Variants in CERKL observed in about 807,000 individuals in gnomAD.
The protein encoded by CERKL is ceramide kinase-like protein.
A neutral mutation model predicts 63.4 loss-of-function variants in CERKL; 61 were observed. The observed-to-expected ratio is 0.96, with a 90% confidence interval of 0.78 to 1.19. The LOEUF (loss-of-function observed/expected upper bound fraction) is 1.19. CERKL is among the 50% of genes most tolerant of loss of function. The pLI is 0.00. For synonymous variants in CERKL, 250 were observed against 230.5 expected (o/e 1.08, Z -0.77); for missense variants, 675 against 655.5 (o/e 1.03, Z -0.33).
At position 181,613,086 on chromosome 2, in the gene CERKL, C is replaced by G. The variant is rs531193237; in HGVS notation, c.239-9007G>C. On this transcript the variant is annotated intron_variant, in intron 1 of 12. Coordinates refer to ENST00000410087, the MANE Select transcript of CERKL (RefSeq NM_201548.5). The stretch of plus-strand genomic sequence containing the variant: ...AAGTATACATTATTAGCCATAGTCA[C>G]AATGCTATACAATAGATCCAGAACT... Among the ~76,000 whole-genome samples, 124 of 150,518 alleles carry G rather than the reference C, an allele frequency of 8.2e-4. 1 individual carries two copies. The Middle Eastern group carries it at 0.01, about 13-fold the overall frequency.
intron 1 of CERKL, among the ~76,000 whole-genome samples, chr2:181,634,200 T>C (rs1012192219): frequency 7.9e-5 from 12 of 152,122 alleles, no homozygotes; most frequent in African/African-American, 2.4e-4. Context: ...ACAACTCAAA[T>C]ATTGTAGATT....
At chr2:181,637,921 A>T (rs1687251928) in intron 1 of CERKL, among the ~76,000 whole-genome samples, 1 of 152,140 alleles carries the variant, frequency 6.6e-6, no homozygotes, top group Admixed American at 6.6e-5. Context: ...ACAAAAAAAA[A>T]AATTGCAGGA....
At chr2:181,605,423 A>G (rs975494312) in intron 1 of CERKL, among the ~76,000 whole-genome samples, 3 of 152,254 alleles carry the variant, frequency 2.0e-5, no homozygotes, top group Admixed American at 6.5e-5. Flanking sequence ...AAGAATTAAC[A>G]GTACAATGCT....
chr2:181,640,101 T>C (rs1574057940), intron 1 of CERKL, among the ~76,000 whole-genome samples: 2 of 152,342 alleles, frequency 1.3e-5, no homozygotes, highest in East Asian at 3.9e-4. Flanking sequence ...CTATTTTTGG[T>C]GCCTATACCT....
Position 181,547,678 on chromosome 2 carries a change from C to T in CERKL, c.1208G>A (p.Ser403Asn). Residue 403 changes from serine to asparagine, a missense_variant, in exon 10 of 13, where the codon AGC becomes AAC. Coordinates refer to ENST00000410087, the MANE Select transcript of CERKL (RefSeq NM_201548.5). ...QMIQGQFLNV[S>N]IMAIPCLCSV... ...ACACAGGCAAGGAATTGCCATAATG[C>T]TGACATTCAAGAACTGACCCTGGAT... is the stretch of plus-strand genomic sequence containing the variant. 1 of 1,614,052 alleles carries T rather than the reference C, an allele frequency of 6.2e-7. No individual in the cohort carries two copies. The highest frequency in any genetic ancestry group is 8.5e-7 in the Non-Finnish European group (1 of 1,179,960).
intron 2 of CERKL, among the ~76,000 whole-genome samples, chr2:181,590,214 T>C (rs1456039905): frequency 1.3e-5 from 2 of 152,046 alleles, no homozygotes; most frequent in Admixed American, 6.6e-5. Context: ...CTTGACTCAC[T>C]GCAACCTCCA....
At chr2:181,565,518 T>C in intron 4 of CERKL, 1 of 1,584,508 alleles carries the variant, frequency 6.3e-7, no homozygotes, top group South Asian at 1.1e-5. Context: ...CCACTGTGAA[T>C]AACATACCTA....
intron 3 of CERKL, among the ~76,000 whole-genome samples, chr2:181,566,968 T>C (rs1688693952): frequency 6.6e-6 from 1 of 152,162 alleles, no homozygotes. Flanking sequence ...ATATGCAAGA[T>C]TACATTAATC....
At chr2:181,636,015 A>T (rs936725749) in intron 1 of CERKL, among the ~76,000 whole-genome samples, 1 of 152,196 alleles carries the variant, frequency 6.6e-6, no homozygotes, top group African/African-American at 2.4e-5. Flanking sequence ...ATACACAAGG[A>T]AAGAGCCTAG....
At chr2:181,570,150 G>A (rs1174816572) in intron 3 of CERKL, among the ~76,000 whole-genome samples, 2 of 152,170 alleles carry the variant, frequency 1.3e-5, no homozygotes, top group Non-Finnish European at 2.9e-5. Context: ...CACAGAGGAG[G>A]TGCCTTTTCT....
intron 4 of CERKL, among the ~76,000 whole-genome samples, chr2:181,561,806 TTTTTATTTTA>T (rs149011731): frequency 1.8e-4 from 27 of 151,366 alleles, no homozygotes; most frequent in South Asian, 2.1e-4. Flanking sequence ...TTTTTATAAT[TTTTTATTTTA>T]TTTTATTTTA....
chr2:181,551,849 C>T (rs1304871832), intron 5 of CERKL, among the ~76,000 whole-genome samples: 2 of 152,102 alleles, frequency 1.3e-5, no homozygotes, highest in East Asian at 1.9e-4. Flanking sequence ...TGCTACCTGT[C>T]ACATGAGGTG....
At chr2:181,582,447 T>C (rs963906709) in intron 2 of CERKL, among the ~76,000 whole-genome samples, 1 of 152,032 alleles carries the variant, frequency 6.6e-6, no homozygotes, top group African/African-American at 2.4e-5. Flanking sequence ...AGTAGTAGTA[T>C]CGGTATAAAA....
At position 181,558,996 on chromosome 2, in the gene CERKL, C is replaced by T. The variant is rs1220914682; in HGVS notation, c.678-288G>A. Among the ~76,000 whole-genome samples, 2 of 152,124 alleles carry T rather than the reference C, an allele frequency of 1.3e-5. No homozygotes were observed. The highest frequency in any genetic ancestry group is 2.1e-4 in the South Asian group (1 of 4,832). ...AACATGTTAATTCACATCTGACCAG[C>T]GTTTTGCTCTGTTAACATCCAAAAG... On this transcript the variant is annotated intron_variant, in intron 4 of 12. Coordinates refer to ENST00000410087, the MANE Select transcript of CERKL (RefSeq NM_201548.5). The surrounding 1 kb of genome is among the most constrained non-coding windows in gnomAD (Gnocchi z 4.2).
intron 11 of CERKL, among the ~76,000 whole-genome samples, chr2:181,543,983 CAAA>C (rs11450338): frequency 2.5e-5 from 3 of 118,204 alleles, no homozygotes; most frequent in Non-Finnish European, 3.4e-5. Flanking sequence ...GGCTCTAACT[CAAA>C]AAAAAAAAAA....
At chr2:181,593,975 G>A (rs1197916088) in intron 2 of CERKL, among the ~76,000 whole-genome samples, 1 of 151,874 alleles carries the variant, frequency 6.6e-6, no homozygotes, top group Non-Finnish European at 1.5e-5. Flanking sequence ...CAATCTCTCA[G>A]AGTGCTGATT....
At chr2:181,652,923 T>C (rs1687999983) in intron 1 of CERKL, among the ~76,000 whole-genome samples, 1 of 152,132 alleles carries the variant, frequency 6.6e-6, no homozygotes, top group Admixed American at 6.6e-5. Context: ...TACAGGCATG[T>C]GCCACCACAC....
At chr2:181,612,945 T>C (rs1559105745) in intron 1 of CERKL, among the ~76,000 whole-genome samples, 1 of 152,190 alleles carries the variant, frequency 6.6e-6, no homozygotes, top group Non-Finnish European at 1.5e-5. Context: ...GTTTACAATG[T>C]GAAATGATTA....
At chr2:181,583,481 T>G (rs553377794) in intron 2 of CERKL, among the ~76,000 whole-genome samples, 1 of 152,338 alleles carries the variant, frequency 6.6e-6, no homozygotes, top group South Asian at 2.1e-4. Context: ...TGAATCTCAG[T>G]AAGCCTTTAG....
Sources: gnomAD v4.1 joint callset for allele counts (sites outside exome capture counted in the v4.1 genomes callset) on GRCh38, gnomAD v4.1.1 for gene constraint, Gnocchi (gnomAD v3.1) non-coding constraint, MANE v1.5 for transcripts, NCBI Gene and HGNC (gene_info 2026-07-23, HGNC 2026-07-21) for gene names.